Variants in MACROH2A2 observed in about 807,000 individuals in gnomAD.
MACROH2A2 encodes the protein core histone macro-H2A.2.
A neutral mutation model predicts 37.6 loss-of-function variants in MACROH2A2; 6 were observed. The ratio of observed to expected loss-of-function variants is 0.16; its 90% CI spans 0.09 to 0.32. The LOEUF (loss-of-function observed/expected upper bound fraction) is 0.32. MACROH2A2 is among the 10% of genes least tolerant of loss of function. The pLI, the probability that MACROH2A2 is intolerant of heterozygous loss-of-function variation, is 1.00. For missense variants in MACROH2A2, 290 were observed against 485.9 expected (o/e 0.60, Z 3.79); for synonymous variants, 192 against 202.7 (o/e 0.95, Z 0.45).
At chr10:70,070,999 A>T (rs1469426764) in intron 1 of MACROH2A2, among the ~76,000 whole-genome samples, 1 of 148,900 alleles carries the variant, frequency 6.7e-6, no homozygotes, top group Non-Finnish European at 1.5e-5. Context: ...GTGCATGTGC[A>T]TGTGTGTGTG....
At chr10:70,061,835 G>T (rs55742012) in intron 1 of MACROH2A2, among the ~76,000 whole-genome samples, 27,343 of 152,176 alleles carry the variant, frequency 0.18, 2,870 homozygotes, top group African/African-American at 0.28. Context: ...TGATGAAATT[G>T]CATTTGATAT....
In MACROH2A2 at chr10:70,111,842, A is replaced by G; in HGVS notation, c.*159A>G. 2 of 476,866 alleles carry G rather than the reference A, an allele frequency of 4.2e-6. No homozygotes were observed. Among genetic ancestry groups the G allele is most frequent in the Non-Finnish European group, 7.1e-6 (2 of 280,460 alleles). The allele number at this position is 476,866 out of a possible 1,614,324, so 29.5% of individuals were successfully genotyped here. ...CCCTCTGCCCTTCACACTCTCCTCC[A>G]AAAGAGCCTCCATCTGTAAGGAAGC... On this transcript the variant is annotated 3_prime_UTR_variant, in exon 9 of 9. Transcript: ENST00000373255.
chr10:70,109,270 C>G (rs116376679), intron 8 of MACROH2A2, 63 bp downstream of exon 8: 13 of 1,380,130 alleles, frequency 9.4e-6, no homozygotes, highest in African/African-American at 1.4e-5. Flanking sequence ...GCTGCTCCCC[C>G]ACTTACATCT....
intron 2 of MACROH2A2, among the ~76,000 whole-genome samples, chr10:70,080,717 A>G (rs1438070816): frequency 6.6e-6 from 1 of 151,726 alleles, no homozygotes; most frequent in Non-Finnish European, 1.5e-5. Context: ...CCCCATCTCT[A>G]CTAAAAATAC....
chr10:70,063,233 T>C (rs1473962089), intron 1 of MACROH2A2, among the ~76,000 whole-genome samples: 1 of 152,194 alleles, frequency 6.6e-6, no homozygotes, highest in East Asian at 1.9e-4. Flanking sequence ...CTATTTTGTC[T>C]TTTGATGAAG....
chr10:70,059,019 C>G (rs1172410508), intron 1 of MACROH2A2, among the ~76,000 whole-genome samples: 1 of 151,210 alleles, frequency 6.6e-6, no homozygotes, highest in Non-Finnish European at 1.5e-5. Context: ...GATATAAAAT[C>G]AAGCAGATTT....
chr10:70,095,801 TC>T, intron 6 of MACROH2A2, 48 bp downstream of exon 6: 1 of 867,204 alleles, frequency 1.2e-6, no homozygotes, highest in Non-Finnish European at 2.0e-6. Flanking sequence ...AGGCCACTGT[TC>T]AGGCAAGTTC....
chr10:70,055,444 A>G (rs1488486184), intron 1 of MACROH2A2, among the ~76,000 whole-genome samples: 1 of 152,136 alleles, frequency 6.6e-6, no homozygotes, highest in African/African-American at 2.4e-5. Flanking sequence ...GGGTCTCGCT[A>G]TATTGCTCAG....
At chr10:70,085,882 G>C (rs2072207585) in intron 2 of MACROH2A2, among the ~76,000 whole-genome samples, 1 of 152,272 alleles carries the variant, frequency 6.6e-6, no homozygotes, top group Non-Finnish European at 1.5e-5. Context: ...AAATCCCCAA[G>C]ATCAATAAAG....
Position 70,111,765 on chromosome 10 carries a change from G to A in MACROH2A2, c.*82G>A. The A allele has an allele frequency of 1.6e-6, 2 of 1,268,438 alleles. No homozygotes were observed. The allele number at this position is 1,268,438 out of a possible 1,614,324, so 78.6% of individuals were successfully genotyped here. On this transcript the variant is annotated 3_prime_UTR_variant, in exon 9 of 9. Transcript: ENST00000373255. ...TGCTTTTTAAAAGGAGAGAGGAGGG[G>A]TGATGGCAGGGGAGTGGAGGGTGGC...
rs769400656 is a variant in MACROH2A2, at chr10:70,091,909, G to A, written c.432G>A (p.Lys144=). The change falls in exon 4 of 9, where the codon AAG becomes AAA. Residue 144 remains lysine, a synonymous_variant. Transcript: ENST00000373255. ...KRGRKATSGK[K]GGKKSKAAKP... ...GCAGGAAGGCCACGTCAGGCAAGAA[G>A]GGGGGGAAGAAATCCAAGGCTGCCA... 6.2e-7 allele frequency: 1 copy of A among 1,613,620 alleles called. No homozygotes were observed. Among genetic ancestry groups the A allele is most frequent in the Non-Finnish European group, 8.5e-7 (1 of 1,179,670 alleles).
chr10:70,075,835 T>C lies in MACROH2A2; in HGVS notation c.172+5T>C, dbSNP rs1354577698. 1.9e-6 allele frequency: 3 copies of C among 1,611,446 alleles called. No homozygotes were observed. In the South Asian group the frequency reaches 3.3e-5, roughly 18 times the overall value. On this transcript the variant is annotated splice_donor_5th_base_variant and intron_variant, in intron 2 of 8. Coordinates refer to ENST00000373255, the MANE Select transcript of MACROH2A2 (RefSeq NM_018649.3). The surrounding 1 kb of genome is among the most constrained non-coding windows in gnomAD (Gnocchi z 5.0). ...CAGTCATTGAGTACCTGGCAGGTAA[T>C]GAGGACACGCAAAGGAGGCTGCCTG...
At chr10:70,064,127 G>T (rs2072065022) in intron 1 of MACROH2A2, among the ~76,000 whole-genome samples, 1 of 152,212 alleles carries the variant, frequency 6.6e-6, no homozygotes, top group Non-Finnish European at 1.5e-5. Context: ...CCAGTATTTT[G>T]GGAGGCCGAG....
At chr10:70,089,308 C>T (rs2072229994) in intron 2 of MACROH2A2, among the ~76,000 whole-genome samples, 2 of 152,188 alleles carry the variant, frequency 1.3e-5, no homozygotes, top group Admixed American at 1.3e-4. Context: ...CACTCTCATA[C>T]AAAAGAAGTC....
rs751752137 is a variant in MACROH2A2, at chr10:70,060,930, G to C, written c.-60+7930G>C. Among the ~76,000 whole-genome samples, 42 of 150,832 alleles carry C rather than the reference G, an allele frequency of 2.8e-4. 1 individual carries two copies. Among genetic ancestry groups the C allele is most frequent in the Non-Finnish European group, 3.5e-4 (24 of 67,738 alleles). ...ACTTAGGATGTCAAGGCCGCAGTGA[G>C]CTGATTGGGCCACTGCACTCCAGCC... On this transcript the variant is annotated intron_variant, in intron 1 of 8. Coordinates refer to ENST00000373255, the MANE Select transcript of MACROH2A2 (RefSeq NM_018649.3).
intron 7 of MACROH2A2, 129 bp from the exon 8 acceptor site, chr10:70,108,904 C>T (rs2072353337): frequency 1.3e-6 from 1 of 783,264 alleles, no homozygotes; most frequent in East Asian, 2.4e-5. Context: ...ATCAGGAGCA[C>T]AGGATGCTGC....
intron 1 of MACROH2A2, among the ~76,000 whole-genome samples, chr10:70,074,072 A>G (rs1285211862): frequency 6.6e-6 from 1 of 152,060 alleles, no homozygotes; most frequent in African/African-American, 2.4e-5. Context: ...TGTCCCTTGT[A>G]ATTTGCTTTT....
intron 7 of MACROH2A2, among the ~76,000 whole-genome samples, chr10:70,102,082 C>T (rs1244760795): frequency 6.6e-6 from 1 of 152,154 alleles, no homozygotes; most frequent in Non-Finnish European, 1.5e-5. Context: ...TGCCAAGTGC[C>T]GCAGGGCTTC....
chr10:70,081,849 T>C (rs1455274706), intron 2 of MACROH2A2, among the ~76,000 whole-genome samples: 13 of 152,134 alleles, frequency 8.5e-5, no homozygotes, highest in Admixed American at 6.5e-4. Flanking sequence ...AAGAGTATAA[T>C]TGGATGGTTT....
Sources: allele counts gnomAD v4.1 joint callset (sites outside exome capture counted in the v4.1 genomes callset), GRCh38; gene constraint gnomAD v4.1.1; non-coding constraint Gnocchi (gnomAD v3.1); transcripts MANE v1.5; gene names NCBI Gene and HGNC (gene_info 2026-07-23, HGNC 2026-07-21).